The following KIT variants were observed in gnomAD, a reference collection of about 807,000 sequenced individuals.
KIT encodes KIT proto-oncogene, receptor tyrosine kinase, also known as mast/stem cell growth factor receptor Kit.
In KIT, 16 loss-of-function variants were observed where a neutral mutation model predicts 105.7. The observed-to-expected ratio is 0.15, with a 90% CI of 0.10 to 0.23. The LOEUF is 0.23. KIT is among the 10% of genes least tolerant of loss of function. KIT has a pLI of 1.00. For synonymous variants in KIT, 438 were observed against 441.1 expected, an observed-to-expected ratio of 0.99 and a Z score of 0.09; for missense variants, 858 against 1,213.8, an observed-to-expected ratio of 0.71 and a Z score of 4.36.
chr4:54,701,209 A>T (rs1302485536), intron 4 of KIT, among the ~76,000 whole-genome samples: 1 of 152,178 alleles, frequency 6.6e-6, no homozygotes, highest in Non-Finnish European at 1.5e-5. Context: ...CTCTTTGGGG[A>T]AATCCCAGTG....
chr4:54,708,143 G>A (rs945498637), intron 6 of KIT, among the ~76,000 whole-genome samples: 1 of 152,154 alleles, frequency 6.6e-6, no homozygotes, highest in Non-Finnish European at 1.5e-5. Flanking sequence ...CTTTAGGTTG[G>A]GTGGTGAGAG....
intron 1 of KIT, among the ~76,000 whole-genome samples, chr4:54,680,027 G>T (rs767356147): frequency 3.3e-5 from 5 of 152,184 alleles, no homozygotes; most frequent in African/African-American, 1.2e-4. Flanking sequence ...AGAATGGTGA[G>T]TCATTATGCA....
At chr4:54,714,818 G>C (rs1406734589) in intron 7 of KIT, among the ~76,000 whole-genome samples, 1 of 152,128 alleles carries the variant, frequency 6.6e-6, no homozygotes. Context: ...CAGTGCGGTG[G>C]GAGTACTGTG....
At chr4:54,723,142 C>T (rs1459093667) in intron 7 of KIT, among the ~76,000 whole-genome samples, 1 of 152,156 alleles carries the variant, frequency 6.6e-6, no homozygotes, top group East Asian at 1.9e-4. Flanking sequence ...TTTCCTCTAA[C>T]AACTCCTAAT....
At chr4:54,682,465 A>G (rs968137316) in intron 1 of KIT, among the ~76,000 whole-genome samples, 5 of 148,336 alleles carry the variant, frequency 3.4e-5, no homozygotes, top group African/African-American at 1.2e-4. Flanking sequence ...GTCTTGCTCT[A>G]TTTCCCAGGC....
chr4:54,686,962 CT>C (rs928189902), intron 1 of KIT, among the ~76,000 whole-genome samples: 1 of 152,176 alleles, frequency 6.6e-6, no homozygotes, highest in African/African-American at 2.4e-5. Context: ...TATTCTCAAA[CT>C]TTTCCATGGA....
chr4:54,736,443 A>C (rs1188357156), intron 17 of KIT, 55 bp from the exon 18 acceptor site: 20 of 1,277,046 alleles, frequency 1.6e-5, no homozygotes, highest in Non-Finnish European at 2.2e-5. Flanking sequence ...TCTTCTGTTC[A>C]ATTTTGTTGA....
intron 1 of KIT, among the ~76,000 whole-genome samples, chr4:54,671,151 C>G (rs1718081345): frequency 6.6e-6 from 1 of 152,138 alleles, no homozygotes. Context: ...TTTAGAGTGG[C>G]CTTTCACAGT....
chr4:54,737,579 G>A (rs1722998860), intron 20 of KIT, among the ~76,000 whole-genome samples: 1 of 152,132 alleles, frequency 6.6e-6, no homozygotes, highest in Non-Finnish European at 1.5e-5. Context: ...CTCAAATGCT[G>A]GTCACGGGGT....
At position 54,726,001 on chromosome 4, in the gene KIT, G is replaced by A. The variant is rs768552563; in HGVS notation, c.1491G>A (p.Val497=). The change falls in exon 9 of 21, where the codon GTG becomes GTA. Residue 497 remains valine (V), a synonymous_variant. Transcript: ENST00000288135. ...TTGAATGTAAGGCTTACAACGATGTGGGCAAGACTTCTGCCTATTTTAACT... is the reference window on the plus strand; with the variant it reads ...TTGAATGTAAGGCTTACAACGATGTAGGCAAGACTTCTGCCTATTTTAACT... The part of the protein sequence containing the change: ...GTVECKAYND[V]GKTSAYFNFA... 2 of 1,613,978 alleles carry A rather than the reference G, an allele frequency of 1.2e-6. No individual in the cohort carries two copies. Among genetic ancestry groups the A allele is most frequent in the South Asian group, 2.2e-5 (2 of 91,082 alleles).
chr4:54,680,807 G>A (rs1249329956), intron 1 of KIT, among the ~76,000 whole-genome samples: 1 of 152,072 alleles, frequency 6.6e-6, no homozygotes, highest in Non-Finnish European at 1.5e-5. Flanking sequence ...ATATTGGAGC[G>A]CCTAGCTCAC....
rs1003144287 is a variant in KIT, at chr4:54,698,380, A to G, written c.434A>G (p.Asn145Ser). 3.7e-6 allele frequency: 6 copies of G among 1,614,070 alleles called. No individual in the cohort carries two copies. The highest frequency in any genetic ancestry group is 1.1e-5 in the South Asian group (1 of 91,086). The change falls in exon 3 of 21, where the codon AAT becomes AGT. Residue 145 changes from asparagine (N) to serine (S), a missense_variant. Transcript: ENST00000288135. Reference sequence around the variant, plus strand: ...CCTCTCACAGACCCAGAAGTGACCAATTATTCCCTCAAGGGGTGCCAGGGG... The same window carrying G: ...CCTCTCACAGACCCAGAAGTGACCAGTTATTCCCTCAAGGGGTGCCAGGGG... ...RCPLTDPEVT[N>S]YSLKGCQGKP...
chr4:54,719,076 A>T (rs2109746753), intron 7 of KIT, among the ~76,000 whole-genome samples: 1 of 152,350 alleles, frequency 6.6e-6, no homozygotes, highest in African/African-American at 2.4e-5. Flanking sequence ...TTTTAAAAAC[A>T]GAAATTCATT....
At chr4:54,691,946 C>G (rs1312144975) in intron 1 of KIT, among the ~76,000 whole-genome samples, 3 of 152,052 alleles carry the variant, frequency 2.0e-5, no homozygotes, top group African/African-American at 7.2e-5. Context: ...GGAAACTCTT[C>G]CCATACATAG....
chr4:54,688,811 A>G (rs1033411517), intron 1 of KIT, among the ~76,000 whole-genome samples: 2 of 152,120 alleles, frequency 1.3e-5, no homozygotes, highest in Non-Finnish European at 1.5e-5. Flanking sequence ...TAGTTGAACT[A>G]CAACGCACAG....
intron 1 of KIT, among the ~76,000 whole-genome samples, chr4:54,675,175 G>T (rs1472621327): frequency 1.3e-5 from 2 of 151,990 alleles, no homozygotes; most frequent in African/African-American, 4.8e-5. Context: ...CTACTAAAAG[G>T]TTACAATTTT....
intron 1 of KIT, among the ~76,000 whole-genome samples, chr4:54,671,201 G>A (rs1016145913): frequency 2.6e-5 from 4 of 152,146 alleles, no homozygotes; most frequent in South Asian, 2.1e-4. Context: ...AATGAAGGAC[G>A]CCTCAAATTG....
rs779966930 is a variant in KIT at position 54,737,185 on chromosome 4, A to G, written c.2707A>G (p.Met903Val). ...GCCCTTGTCTTGCAGGTATGACATA[A>G]TGAAGACTTGCTGGGATGCAGATCC... ...EHAPAEMYDI[M>V]KTCWDADPLK... is the part of the protein sequence containing the mutation. The change falls in exon 20 of 21, where the codon ATG (methionine) becomes GTG (valine). Residue 903 changes from methionine (M) to valine (V), a missense_variant. Met to Val is a conservative substitution (Grantham distance 21). This residue lies in a region of KIT where 105 missense variants were observed against 103.5 expected (regional missense o/e 1.01). Transcript: ENST00000288135. 2 of 1,611,792 alleles carry G rather than the reference A, an allele frequency of 1.2e-6. No homozygotes were observed. The highest frequency in any genetic ancestry group is 3.3e-5 in the Admixed American group (2 of 60,020).
intron 7 of KIT, 51 bp downstream of exon 7, chr4:54,709,590 G>C (rs1721010515): frequency 8.7e-7 from 1 of 1,154,730 alleles, no homozygotes; most frequent in East Asian, 2.4e-5. Flanking sequence ...TAAAGTTGTG[G>C]CTCGTGTTTG....
Sources: gnomAD v4.1 joint callset for allele counts (sites outside exome capture counted in the v4.1 genomes callset) on GRCh38, gnomAD v4.1.1 for gene constraint, gnomAD v4.1.1 regional missense constraint, MANE v1.5 for transcripts, NCBI Gene and HGNC (gene_info 2026-07-23, HGNC 2026-07-21) for gene names.